Variants in DAB1 observed in about 807,000 individuals in gnomAD.
DAB1 encodes the protein disabled homolog 1.
In DAB1, 15 loss-of-function variants were observed where a neutral mutation model predicts 64.6. The observed-to-expected ratio is 0.23, with a 90% confidence interval of 0.16 to 0.36. DAB1 has a LOEUF of 0.36. Among genes scored for constraint, DAB1 ranks in the 10% least tolerant of loss-of-function variants. The pLI, the probability that DAB1 is intolerant of heterozygous loss-of-function variation, is 1.00. For missense variants in DAB1, 596 were observed against 706.7 expected (o/e 0.84, Z 1.78); for synonymous variants, 235 against 251.9 (o/e 0.93, Z 0.64).
chr1:57,250,433 G>A lies in DAB1; in HGVS notation c.67+40531C>T, dbSNP rs374987286. On this transcript the variant is annotated intron_variant, in intron 2 of 14. Coordinates refer to ENST00000371236, the MANE Select transcript of DAB1 (RefSeq NM_001365792.1). ...CTACGCGAGGAGGTACTCCAGTCTA[G>A]GCAGAGACCAGCAAACATATTAAAA... Among the ~76,000 whole-genome samples, 20 of 152,216 alleles carry A rather than the reference G, an allele frequency of 1.3e-4. No homozygotes were observed. The East Asian group carries it at 3.7e-3, about 28-fold the overall frequency.
chr1:58,293,659 G>C (rs1661901358), intron 4 of DAB1, among the ~76,000 whole-genome samples: 1 of 152,146 alleles, frequency 6.6e-6, no homozygotes, highest in African/African-American at 2.4e-5. Flanking sequence ...GCATGGAAGA[G>C]AGCACCCAGA....
At position 58,323,796 on chromosome 1, in the gene DAB1, G is replaced by C. The variant is rs1174733561; in HGVS notation, n.309+19556C>G. Among the ~76,000 whole-genome samples the C allele has an allele frequency of 2.6e-5, 4 of 151,708 alleles. No homozygotes were observed. In the East Asian group the frequency reaches 7.8e-4, roughly 29 times the overall value. On this transcript the variant is annotated intron_variant and non_coding_transcript_variant, in intron 4 of 20. Coordinates refer to the DAB1 transcript ENST00000485760. ...AAAAATTAGCCAGGCGTGGCGGTGG[G>C]CGCCTGTAGTCCCAGCTACTCAGGA... is the stretch of plus-strand genomic sequence containing the variant.
At chr1:57,692,735 CTT>C (rs1374314609) in intron 6 of DAB1, among the ~76,000 whole-genome samples, 1 of 152,182 alleles carries the variant, frequency 6.6e-6, no homozygotes, top group Non-Finnish European at 1.5e-5. Flanking sequence ...CAAATAGACT[CTT>C]TGGCAGCAGT....
At chr1:57,072,783 G>A (rs1260834416) in intron 4 of DAB1, among the ~76,000 whole-genome samples, 2 of 152,168 alleles carry the variant, frequency 1.3e-5, no homozygotes, top group Non-Finnish European at 1.5e-5. Context: ...TTAAATACTC[G>A]GGGACCGTGT....
At chr1:57,391,879 G>A (rs2101003745) in intron 1 of DAB1, among the ~76,000 whole-genome samples, 1 of 151,498 alleles carries the variant, frequency 6.6e-6, no homozygotes, top group African/African-American at 2.4e-5. Context: ...CATTTTTTTA[G>A]GTAAAAATGC....
chr1:58,535,526 G>A (rs1017645587), intron 1 of DAB1, among the ~76,000 whole-genome samples: 1 of 151,464 alleles, frequency 6.6e-6, no homozygotes, highest in African/African-American at 2.4e-5. Context: ...AACCTGTAAG[G>A]TGGAGGTTGC....
intron 2 of DAB1, among the ~76,000 whole-genome samples, chr1:57,159,856 CAAAAAAAAAAA>C (rs398049302): frequency 1.7e-4 from 15 of 86,348 alleles, no homozygotes; most frequent in African/African-American, 3.7e-4. Flanking sequence ...AGCAGCAAGA[CAAAAAAAAAAA>C]AAAAAAAAAA....
chr1:57,622,472 T>C (rs1645871473), intron 7 of DAB1, among the ~76,000 whole-genome samples: 1 of 152,224 alleles, frequency 6.6e-6, no homozygotes, highest in Non-Finnish European at 1.5e-5. Context: ...AGTGCAGAAA[T>C]AATAACTGAC....
intron 1 of DAB1, among the ~76,000 whole-genome samples, chr1:57,858,662 C>T (rs1000371841): frequency 6.6e-5 from 10 of 151,832 alleles, no homozygotes; most frequent in Admixed American, 3.3e-4. Flanking sequence ...ACATCCCCCA[C>T]CAAAGTTCTG....
chr1:58,073,211 T>C (rs151304631), intron 5 of DAB1, among the ~76,000 whole-genome samples: 1 of 152,298 alleles, frequency 6.6e-6, no homozygotes, highest in African/African-American at 2.4e-5. Context: ...CAAATAACCA[T>C]GCTTTGTCCA....
intron 4 of DAB1, among the ~76,000 whole-genome samples, chr1:58,302,015 T>A (rs994131867): frequency 2.0e-5 from 3 of 152,138 alleles, no homozygotes; most frequent in Admixed American, 1.3e-4. Flanking sequence ...AAGTCTGGCC[T>A]CCTCATTTTA....
At chr1:57,959,958 C>T (rs561498179) in intron 5 of DAB1, among the ~76,000 whole-genome samples, 1 of 152,148 alleles carries the variant, frequency 6.6e-6, no homozygotes, top group Non-Finnish European at 1.5e-5. Context: ...TCTAGGCAAC[C>T]CTTGCATAAA....
Position 58,180,281 on chromosome 1 carries a change from C to CTTTTTTTTTTTTTTTTTTTTTTTTTT in DAB1, n.310-29719_310-29694dup, listed in dbSNP as rs869204611. Among the ~76,000 whole-genome samples, 21 of 61,034 alleles carry CTTTTTTTTTTTTTTTTTTTTTTTTTT rather than the reference C, an allele frequency of 3.4e-4. 3 individuals carry two copies. Among genetic ancestry groups the CTTTTTTTTTTTTTTTTTTTTTTTTTT allele is most frequent in the African/African-American group, 8.5e-4 (12 of 14,090 alleles). 40.0% of individuals were successfully genotyped at this position (61,034 alleles called of 152,430 possible). On this transcript the variant is annotated intron_variant and non_coding_transcript_variant, in intron 4 of 20. Coordinates refer to the DAB1 transcript ENST00000485760. The stretch of plus-strand genomic sequence containing the variant: ...CTTTCTTTTTTCTTTTTTTTCTTTT[C>CTTTTTTTTTTTTTTTTTTTTTTTTTT]TTTTTTTTTTTTTTTTTTTTTTTTT...
chr1:57,318,866 A>G (rs1675445678), intron 1 of DAB1, among the ~76,000 whole-genome samples: 1 of 152,126 alleles, frequency 6.6e-6, no homozygotes, highest in Admixed American at 6.6e-5. Context: ...GGACTGCACC[A>G]TCACAGTTCT....
intron 5 of DAB1, chr1:58,074,543 TACAC>T (rs1553157877): frequency 3.1e-5 from 3 of 95,898 alleles, no homozygotes; most frequent in Admixed American, 1.3e-4. Flanking sequence ...TATATATATA[TACAC>T]ACATATATAT....
At chr1:58,319,693 G>T (rs1240759034) in intron 4 of DAB1, among the ~76,000 whole-genome samples, 1 of 152,134 alleles carries the variant, frequency 6.6e-6, no homozygotes, top group Admixed American at 6.5e-5. Context: ...GCCCCACTTG[G>T]GTCTCACATA....
intron 2 of DAB1, among the ~76,000 whole-genome samples, chr1:57,150,201 T>G (rs1311139383): frequency 2.0e-5 from 3 of 152,186 alleles, no homozygotes; most frequent in African/African-American, 7.2e-5. Flanking sequence ...GCTCCCAGTA[T>G]TAAAGAAATG....
At chr1:58,009,386 T>A (rs1298158315) in intron 5 of DAB1, among the ~76,000 whole-genome samples, 2 of 152,208 alleles carry the variant, frequency 1.3e-5, no homozygotes, top group African/African-American at 2.4e-5. Flanking sequence ...ATTTTTGCTG[T>A]ATGCTACATA....
At chr1:57,190,560 G>A (rs1482491976) in intron 2 of DAB1, among the ~76,000 whole-genome samples, 1 of 152,122 alleles carries the variant, frequency 6.6e-6, no homozygotes, top group African/African-American at 2.4e-5. Flanking sequence ...GTGAATATCA[G>A]GAAGATCTGC....
Sources: allele counts gnomAD v4.1 joint callset (sites outside exome capture counted in the v4.1 genomes callset), GRCh38; gene constraint gnomAD v4.1.1; transcripts MANE v1.5; gene names NCBI Gene and HGNC (gene_info 2026-07-23, HGNC 2026-07-21).